IL1RAPL1: variants seen among roughly 807,000 people sequenced by gnomAD.
IL1RAPL1 encodes interleukin 1 receptor accessory protein like 1, also known as interleukin-1 receptor accessory protein-like 1.
A neutral mutation model predicts 48.4 loss-of-function variants in IL1RAPL1; 3 were observed. That is an observed-to-expected ratio of 0.06 (90% confidence interval 0.03 to 0.16). The LOEUF (loss-of-function observed/expected upper bound fraction) is 0.16. Ranked by LOEUF, IL1RAPL1 falls within the 10% of genes least tolerant of loss-of-function variation. The pLI is 1.00. For missense variants in IL1RAPL1, 349 were observed against 530.6 expected, an observed-to-expected ratio of 0.66 and a Z score of 3.36; for synonymous variants, 185 against 187.7, an observed-to-expected ratio of 0.99 and a Z score of 0.12.
At chrX:29,949,440 CT>C (rs1339692978) in intron 9 of IL1RAPL1, among the ~76,000 whole-genome samples, 1 of 111,578 alleles carries the variant, frequency 9.0e-6, no homozygotes, top group Non-Finnish European at 1.9e-5. Context: ...CTGCCGGGGT[CT>C]TTTGAAAGTC....
At chrX:29,705,198 C>T (rs906832055) in intron 6 of IL1RAPL1, among the ~76,000 whole-genome samples, 5 of 111,709 alleles carry the variant, frequency 4.5e-5, no homozygotes, top group Non-Finnish European at 7.5e-5. Context: ...TACACTATTT[C>T]GTGTCTATTA....
chrX:29,492,081 C>A (rs1396909198), intron 5 of IL1RAPL1, among the ~76,000 whole-genome samples: 1 of 111,963 alleles, frequency 8.9e-6, no homozygotes, highest in Non-Finnish European at 1.9e-5. Flanking sequence ...TATCCTAATT[C>A]TCATTCTGAC....
intron 1 of IL1RAPL1, among the ~76,000 whole-genome samples, chrX:28,682,967 A>G (rs2146920825): frequency 8.9e-6 from 1 of 112,239 alleles, no homozygotes; most frequent in South Asian, 3.7e-4. Context: ...CAGAGAAACC[A>G]CAGATTCTTA....
At chrX:28,998,612 T>A (rs776002404) in intron 2 of IL1RAPL1, among the ~76,000 whole-genome samples, 40 of 112,427 alleles carry the variant, frequency 3.6e-4, no homozygotes, top group African/African-American at 1.2e-3. Flanking sequence ...TGAAACTCAA[T>A]GCTTTTGCAA....
intron 2 of IL1RAPL1, among the ~76,000 whole-genome samples, chrX:29,108,041 A>G (rs1248647032): frequency 8.9e-6 from 1 of 112,051 alleles, no homozygotes; most frequent in East Asian, 2.8e-4. Flanking sequence ...TAGGTAGCTC[A>G]ATAAACAGAA....
At chrX:29,782,921 T>TC (rs1929386185) in intron 6 of IL1RAPL1, among the ~76,000 whole-genome samples, 2 of 80,818 alleles carry the variant, frequency 2.5e-5, no homozygotes, top group African/African-American at 1.2e-4. Flanking sequence ...TTTTTTTTTT[T>TC]TGAGACGGAG....
rs185368972 is a variant in IL1RAPL1, at chrX:29,740,601, A to G, written c.778+72097A>G. Among the ~76,000 whole-genome samples the G allele has an allele frequency of 6.6e-4, 73 of 110,771 alleles. 1 individual carries two copies. Among genetic ancestry groups the G allele is most frequent in the Middle Eastern group, 9.2e-3 (2 of 218 alleles). On this transcript the variant is annotated intron_variant, in intron 6 of 10. Transcript: ENST00000378993. ...ATTCTTAGCTTCTACTAGCCTTTCT[A>G]TTTCCACTGCCACACTTGTTACATT...
intron 5 of IL1RAPL1, among the ~76,000 whole-genome samples, chrX:29,495,336 GTTTA>G (rs915742097): frequency 8.9e-5 from 10 of 111,885 alleles, no homozygotes; most frequent in Admixed American, 1.9e-4. Context: ...ATAAAACTAA[GTTTA>G]TTTATTTCTC....
chrX:29,336,603 T>A (rs1344458794), intron 3 of IL1RAPL1, among the ~76,000 whole-genome samples: 1 of 110,557 alleles, frequency 9.0e-6, no homozygotes, highest in Non-Finnish European at 1.9e-5. Context: ...CAAGGTATTT[T>A]GTGACATGGA....
At position 29,203,588 on chromosome X, in the gene IL1RAPL1, G is replaced by A. The variant is rs140863925; in HGVS notation, c.83-79350G>A. Among the ~76,000 whole-genome samples the A allele has an allele frequency of 2.5e-3, 269 of 108,187 alleles. 2 individuals carry two copies. The East Asian group carries it at 0.029, about 12-fold the overall frequency. The allele number at this position is 108,187 out of a possible 115,157, so 93.9% of individuals were successfully genotyped here. A position where few individuals can be genotyped will look rare whatever the true frequency, so the allele number is the denominator to read the frequency against. ...ATACAAATTAGTTGGGCGTAGTGGCGCATGCCTGTAATACCAGCTACTCAG... is the reference window on the plus strand; with the variant it reads ...ATACAAATTAGTTGGGCGTAGTGGCACATGCCTGTAATACCAGCTACTCAG... On this transcript the variant is annotated intron_variant, in intron 2 of 10. Transcript: ENST00000378993.
intron 2 of IL1RAPL1, among the ~76,000 whole-genome samples, chrX:29,207,531 C>G (rs1930688135): frequency 1.8e-5 from 2 of 112,016 alleles, no homozygotes; most frequent in South Asian, 7.4e-4. Context: ...GTTGAGAATG[C>G]TCCTGAACAG....
intron 6 of IL1RAPL1, among the ~76,000 whole-genome samples, chrX:29,699,255 T>C (rs1014990652): frequency 3.0e-4 from 34 of 112,429 alleles, no homozygotes; most frequent in African/African-American, 1.1e-3. Context: ...TGAACTGGTT[T>C]AGTAGTTTGT....
intron 3 of IL1RAPL1, among the ~76,000 whole-genome samples, chrX:29,346,312 G>A (rs1461815929): frequency 8.9e-6 from 1 of 112,477 alleles, no homozygotes; most frequent in Non-Finnish European, 1.9e-5. Context: ...ATCTTTGGGA[G>A]GCCATTATTC....
At chrX:29,558,023 A>C (rs1353598466) in intron 5 of IL1RAPL1, among the ~76,000 whole-genome samples, 1 of 111,644 alleles carries the variant, frequency 9.0e-6, no homozygotes, top group Non-Finnish European at 1.9e-5. Context: ...TCTCCCAATC[A>C]CTGATCTCAT....
intron 1 of IL1RAPL1, among the ~76,000 whole-genome samples, chrX:28,654,736 T>G (rs1224324311): frequency 8.9e-6 from 1 of 112,031 alleles, no homozygotes; most frequent in African/African-American, 3.2e-5. Context: ...GTTTGCCATA[T>G]TTAGATGTCA....
At chrX:29,291,621 G>A (rs1209525065) in intron 3 of IL1RAPL1, among the ~76,000 whole-genome samples, 1 of 109,135 alleles carries the variant, frequency 9.2e-6, no homozygotes, top group Non-Finnish European at 1.9e-5. Flanking sequence ...TGTTCTTATT[G>A]TTCAACTCCC....
intron 2 of IL1RAPL1, among the ~76,000 whole-genome samples, chrX:29,206,838 A>G (rs1174285201): frequency 5.3e-5 from 6 of 112,162 alleles, no homozygotes; most frequent in South Asian, 3.6e-4. Flanking sequence ...AATAAGGTGA[A>G]GATAGTGGTA....
In IL1RAPL1 at chrX:28,693,961, A is replaced by G. The variant is rs765199780; in HGVS notation, c.-24-95359A>G. On this transcript the variant is annotated intron_variant, in intron 1 of 10. Coordinates refer to ENST00000378993, the MANE Select transcript of IL1RAPL1 (RefSeq NM_014271.4). ...CTGTCAAGGAAATGCATTTCTCCAAATAATTTGTCAGGGCTTCTGGGTTAG... is the reference window on the plus strand; with the variant it reads ...CTGTCAAGGAAATGCATTTCTCCAAGTAATTTGTCAGGGCTTCTGGGTTAG... Among the ~76,000 whole-genome samples the G allele has an allele frequency of 4.5e-5, 5 of 111,915 alleles. No individual in the cohort carries two copies. The South Asian group carries it at 1.5e-3, about 34-fold the overall frequency.
intron 6 of IL1RAPL1, among the ~76,000 whole-genome samples, chrX:29,771,424 A>G (rs1929062424): frequency 8.9e-6 from 1 of 112,376 alleles, no homozygotes; most frequent in African/African-American, 3.2e-5. Flanking sequence ...ATCAGTAGAT[A>G]GAATTTTTGG....
Sources: allele counts gnomAD v4.1 joint callset (sites outside exome capture counted in the v4.1 genomes callset), GRCh38; gene constraint gnomAD v4.1.1; transcripts MANE v1.5; gene names NCBI Gene and HGNC (gene_info 2026-07-23, HGNC 2026-07-21).